XKR9: variants seen among roughly 807,000 people sequenced by gnomAD.
The protein encoded by XKR9 is XK-related protein 9.
Under a neutral mutation model 32.0 loss-of-function variants are expected in XKR9, and 32 were observed. The ratio of observed to expected loss-of-function variants is 1.00; its 90% CI spans 0.76 to 1.34. The LOEUF (loss-of-function observed/expected upper bound fraction) is 1.34. Among genes scored for constraint, XKR9 ranks in the 40% most tolerant of loss-of-function variants. The probability of loss-of-function intolerance (pLI) is 0.00; values close to 1 mark genes in which losing one functional copy is unlikely to be tolerated. For synonymous variants in XKR9, 168 were observed against 143.4 expected (o/e 1.17, Z -1.22); for missense variants, 546 against 429.7 (o/e 1.27, Z -2.39).
chr8:70,817,111 G>A, the XKR9 span, among the ~76,000 whole-genome samples: 64 of 152,052 alleles, frequency 4.2e-4, no homozygotes, highest in East Asian at 7.7e-3. Flanking sequence ...TGATAACATC[G>A]TACTGGAAGT....
At chr8:70,713,965 G>A (rs1411752884) in intron 4 of XKR9, among the ~76,000 whole-genome samples, 1 of 152,128 alleles carries the variant, frequency 6.6e-6, no homozygotes, top group Non-Finnish European at 1.5e-5. Context: ...CCAAGATCAA[G>A]GTGCCAATAG....
the XKR9 span, among the ~76,000 whole-genome samples, chr8:70,875,374 C>A: frequency 6.6e-6 from 1 of 152,178 alleles, no homozygotes; most frequent in Non-Finnish European, 1.5e-5. Context: ...CTTACATCAT[C>A]AAAATCCCCT....
At chr8:70,691,924 A>G (rs1805084345) in intron 3 of XKR9, among the ~76,000 whole-genome samples, 1 of 152,054 alleles carries the variant, frequency 6.6e-6, no homozygotes, top group East Asian at 1.9e-4. Context: ...TATAAATTTT[A>G]AATAATTTTT....
chr8:70,699,168 T>G (rs1805413286), intron 3 of XKR9, among the ~76,000 whole-genome samples: 2 of 152,206 alleles, frequency 1.3e-5, no homozygotes, highest in Non-Finnish European at 2.9e-5. Flanking sequence ...AACTGGAGCA[T>G]TTAGTCCATT....
chr8:70,823,284 T>C, the XKR9 span, among the ~76,000 whole-genome samples: 7 of 152,244 alleles, frequency 4.6e-5, no homozygotes, highest in Non-Finnish European at 8.8e-5. Flanking sequence ...ACTAAGTAGT[T>C]AATTCCTAAA....
the XKR9 span, among the ~76,000 whole-genome samples, chr8:70,808,612 T>C: frequency 6.6e-6 from 1 of 152,192 alleles, no homozygotes; most frequent in Non-Finnish European, 1.5e-5. Context: ...ACTGTGCTTT[T>C]CCAACAGTCT....
At chr8:70,755,009 A>G (rs1427508671) in intron 2 of XKR9, among the ~76,000 whole-genome samples, 1 of 151,786 alleles carries the variant, frequency 6.6e-6, no homozygotes, top group East Asian at 1.9e-4. Context: ...TTTGCAACCT[A>G]CTCATCTGAC....
the XKR9 span, among the ~76,000 whole-genome samples, chr8:70,905,706 G>C: frequency 2.0e-5 from 3 of 152,184 alleles, no homozygotes; most frequent in South Asian, 6.2e-4. Context: ...GAGGTGCTCT[G>C]ATTATTAGAA....
At chr8:70,967,261 G>A in the XKR9 span, among the ~76,000 whole-genome samples, 1 of 151,848 alleles carries the variant, frequency 6.6e-6, no homozygotes, top group Admixed American at 6.6e-5. Flanking sequence ...AGTAGAGACG[G>A]GGTTTCACCG....
At chr8:70,714,913 A>G (rs1245147485) in intron 4 of XKR9, among the ~76,000 whole-genome samples, 1 of 152,222 alleles carries the variant, frequency 6.6e-6, no homozygotes, top group Non-Finnish European at 1.5e-5. Flanking sequence ...AGGAAAAGGC[A>G]TAACAAAGGC....
chr8:70,997,841 A>G, the XKR9 span, among the ~76,000 whole-genome samples: 1 of 152,228 alleles, frequency 6.6e-6, no homozygotes, highest in African/African-American at 2.4e-5. Context: ...AGGAAAAAAA[A>G]TATTAACTTT....
At chr8:70,879,306 C>G in the XKR9 span, among the ~76,000 whole-genome samples, 5 of 151,740 alleles carry the variant, frequency 3.3e-5, no homozygotes, top group Non-Finnish European at 7.4e-5. Flanking sequence ...TAACTAAGAG[C>G]AGAGCAGAAC....
intron 4 of XKR9, among the ~76,000 whole-genome samples, chr8:70,718,896 C>T (rs115127202): frequency 0.011 from 1,720 of 152,242 alleles, 29 homozygotes; most frequent in African/African-American, 0.037. Flanking sequence ...AATCACCACA[C>T]TGTCCACAAT....
chr8:70,849,728 T>C, the XKR9 span, among the ~76,000 whole-genome samples: 1 of 151,878 alleles, frequency 6.6e-6, no homozygotes, highest in Non-Finnish European at 1.5e-5. Flanking sequence ...CTAGCCAGAC[T>C]AATAAAGAAG....
At chr8:71,036,810 C>T in the XKR9 span, among the ~76,000 whole-genome samples, 1 of 151,616 alleles carries the variant, frequency 6.6e-6, no homozygotes, top group Non-Finnish European at 1.5e-5. Context: ...TTCTAGACCA[C>T]CAGATAGTTC....
intron 3 of XKR9, among the ~76,000 whole-genome samples, chr8:70,685,892 TAAA>T (rs1291253723): frequency 6.7e-6 from 1 of 150,030 alleles, no homozygotes; most frequent in African/African-American, 2.4e-5. Flanking sequence ...AATAATAAAA[TAAA>T]AAAAATTATA....
chr8:70,756,673 T>G (rs1469729280), intron 2 of XKR9, among the ~76,000 whole-genome samples: 1 of 152,244 alleles, frequency 6.6e-6, no homozygotes, highest in Non-Finnish European at 1.5e-5. Flanking sequence ...TCATTGCAAA[T>G]GTATAGACAT....
chr8:70,697,757 T>C (rs1213074290), intron 3 of XKR9, among the ~76,000 whole-genome samples: 1 of 151,910 alleles, frequency 6.6e-6, no homozygotes, highest in Non-Finnish European at 1.5e-5. Flanking sequence ...TCAGAAGGAA[T>C]GGTACCAGTT....
chr8:70,738,762 C>A (rs1179992120), downstream of XKR9, among the ~76,000 whole-genome samples: 1 of 152,082 alleles, frequency 6.6e-6, no homozygotes, highest in Non-Finnish European at 1.5e-5. Flanking sequence ...TGTTCAGTTT[C>A]CGTGTAGTTG....
Sources: gnomAD v4.1 joint callset for allele counts (sites outside exome capture counted in the v4.1 genomes callset) on GRCh38, gnomAD v4.1.1 for gene constraint, MANE v1.5 for transcripts, NCBI Gene and HGNC (gene_info 2026-07-23, HGNC 2026-07-21) for gene names.